DAB1: variants seen among roughly 807,000 people sequenced by gnomAD.
DAB1 encodes the protein DAB adaptor protein 1.
A neutral mutation model predicts 64.6 loss-of-function variants in DAB1; 15 were observed. That is an observed-to-expected ratio of 0.23 (90% CI 0.16 to 0.36). The LOEUF (loss-of-function observed/expected upper bound fraction) is 0.36. DAB1 is among the 10% of genes least tolerant of loss of function. The probability of loss-of-function intolerance (pLI) is 1.00; values close to 1 mark genes in which losing one functional copy is unlikely to be tolerated. For synonymous variants in DAB1, 235 were observed against 251.9 expected (o/e 0.93, Z 0.64); for missense variants, 596 against 706.7 (o/e 0.84, Z 1.78).
chr1:58,216,342 T>C (rs57063333), intron 4 of DAB1, among the ~76,000 whole-genome samples: 4,190 of 152,226 alleles, frequency 0.028, 189 homozygotes, highest in African/African-American at 0.095. Context: ...ATCCATGTCC[T>C]TGCAAAGGAC....
intron 7 of DAB1, among the ~76,000 whole-genome samples, chr1:57,593,545 T>C (rs1400229251): frequency 2.0e-5 from 3 of 152,342 alleles, no homozygotes; most frequent in Admixed American, 6.5e-5. Flanking sequence ...TCTTGATAAG[T>C]GTACACAAAT....
chr1:57,784,193 G>C (rs981484754), intron 6 of DAB1, among the ~76,000 whole-genome samples: 1 of 152,096 alleles, frequency 6.6e-6, no homozygotes, highest in Non-Finnish European at 1.5e-5. Flanking sequence ...TCAGGAGTTT[G>C]AGACCAGTCT....
chr1:58,347,277 T>A (rs1031348006), intron 3 of DAB1, among the ~76,000 whole-genome samples: 3 of 152,148 alleles, frequency 2.0e-5, no homozygotes, highest in African/African-American at 7.2e-5. Flanking sequence ...CCGGCTAATT[T>A]TTTTGTATTT....
At chr1:58,533,975 G>T (rs1404645553) in intron 1 of DAB1, 1 of 872,088 alleles carries the variant, frequency 1.1e-6, no homozygotes, top group South Asian at 1.3e-5. Flanking sequence ...TACTGCATGT[G>T]CTATTTCATG....
chr1:57,016,884 G>T lies in DAB1; in HGVS notation c.896-1453C>A, dbSNP rs561485124. ...GTCTTCACGAAATCCCGGCAGGGTA[G>T]GTATTATTATCTGTATTTTAGGGAT... is the stretch of plus-strand genomic sequence containing the variant. On this transcript the variant is annotated intron_variant, in intron 11 of 14. Transcript: ENST00000371236. Among the ~76,000 whole-genome samples, 4 of 152,236 alleles carry T rather than the reference G, an allele frequency of 2.6e-5. No individual in the cohort carries two copies. The South Asian group carries it at 8.3e-4, about 32-fold the overall frequency.
rs574438911 is a variant in DAB1, at chr1:57,049,450, C to CAAAAAAAAAAAAAAA, written c.723+13419_723+13433dup. On this transcript the variant is annotated intron_variant, in intron 9 of 14. Transcript: ENST00000371236. ...TGGGCAACAGAGCAAGACTCCGTCT[C>CAAAAAAAAAAAAAAA]AAAAAAAAAAAAAAAAAAAAAAAAA... is the stretch of plus-strand genomic sequence containing the variant. Among the ~76,000 whole-genome samples the CAAAAAAAAAAAAAAA allele has an allele frequency of 1.7e-3, 43 of 24,582 alleles. 5 individuals carry two copies. The highest frequency in any genetic ancestry group is 5.5e-3 in the East Asian group (3 of 548). The allele number at this position is 24,582 out of a possible 152,430, so 16.1% of individuals were successfully genotyped here.
intron 4 of DAB1, among the ~76,000 whole-genome samples, chr1:58,209,419 C>A (rs918869116): frequency 2.0e-5 from 3 of 152,122 alleles, no homozygotes; most frequent in African/African-American, 7.2e-5. Flanking sequence ...ATGCTCAGAA[C>A]TGGAGGCTAA....
chr1:57,742,293 A>T (rs925120488), intron 6 of DAB1, among the ~76,000 whole-genome samples: 2 of 152,216 alleles, frequency 1.3e-5, no homozygotes, highest in Non-Finnish European at 2.9e-5. Flanking sequence ...TGGACCATAA[A>T]ATAAAAATAT....
chr1:57,154,300 T>C (rs1660003265), intron 2 of DAB1, among the ~76,000 whole-genome samples: 1 of 152,236 alleles, frequency 6.6e-6, no homozygotes, highest in African/African-American at 2.4e-5. Context: ...TGTTTGTCTT[T>C]CTGTGCCTGG....
intron 2 of DAB1, among the ~76,000 whole-genome samples, chr1:57,257,471 T>C (rs903914799): frequency 4.6e-5 from 7 of 152,218 alleles, no homozygotes; most frequent in Non-Finnish European, 8.8e-5. Context: ...ATAATCCATA[T>C]AGAAAATGTA....
chr1:57,862,412 C>T (rs112255927), intron 1 of DAB1: 2 of 152,178 alleles, frequency 1.3e-5, no homozygotes, highest in South Asian at 2.1e-4. Flanking sequence ...ACTGAAATTA[C>T]ATAACGTTTT....
Position 58,387,566 on chromosome 1 carries a change from T to C in DAB1, n.258-44163A>G, listed in dbSNP as rs1644442845. The stretch of plus-strand genomic sequence containing the variant: ...AGATGTCTTATTATGTAGATAAAGT[T>C]CCCCAGATAATCTTTCAGAGCTGCA... On this transcript the variant is annotated intron_variant and non_coding_transcript_variant, in intron 3 of 20. Coordinates refer to the DAB1 transcript ENST00000485760. 2.0e-5 allele frequency among the ~76,000 whole-genome samples: 3 copies of C among 152,088 alleles called. No homozygotes were observed. The South Asian group carries it at 6.2e-4, about 32-fold the overall frequency.
At chr1:57,983,198 C>A (rs997689303) in intron 5 of DAB1, among the ~76,000 whole-genome samples, 1 of 152,170 alleles carries the variant, frequency 6.6e-6, no homozygotes, top group African/African-American at 2.4e-5. Flanking sequence ...CCAAGATGTA[C>A]ACATTCACTA....
Position 58,325,427 on chromosome 1 carries a change from A to C in DAB1, n.309+17925T>G, listed in dbSNP as rs187592461. Among the ~76,000 whole-genome samples, 248 of 152,338 alleles carry C rather than the reference A, an allele frequency of 1.6e-3. 1 individual carries two copies. The highest frequency in any genetic ancestry group is 3.0e-3 in the Non-Finnish European group (203 of 68,036). On this transcript the variant is annotated intron_variant and non_coding_transcript_variant, in intron 4 of 20. Transcript: ENST00000485760. ...TACCTCTCTAAACCAGGGGTTCCTC[A>C]TCTTTAAGAATATGCAATTTTCCAT... is the stretch of plus-strand genomic sequence containing the variant.
Position 57,567,500 on chromosome 1 carries a change from G to A in DAB1, n.625+82092C>T, listed in dbSNP as rs1273322120. Among the ~76,000 whole-genome samples the A allele has an allele frequency of 2.6e-5, 4 of 152,312 alleles. No individual in the cohort carries two copies. In the East Asian group the frequency reaches 5.8e-4, roughly 22 times the overall value. ...GGAAGTCAAATTGTCCCTGCTTGCA[G>A]ATGACATCATTGTATATTTAGAAAA... On this transcript the variant is annotated intron_variant and non_coding_transcript_variant, in intron 7 of 20. Coordinates refer to the DAB1 transcript ENST00000485760.
chr1:57,820,800 C>T (rs1164511310), intron 6 of DAB1, among the ~76,000 whole-genome samples: 1 of 152,132 alleles, frequency 6.6e-6, no homozygotes, highest in Non-Finnish European at 1.5e-5. Context: ...GGTTTAGTCC[C>T]CTTTCTGTCA....
intron 5 of DAB1, among the ~76,000 whole-genome samples, chr1:58,034,155 C>T (rs1157995684): frequency 6.6e-6 from 1 of 152,236 alleles, no homozygotes; most frequent in Non-Finnish European, 1.5e-5. Context: ...CTAGCAGTCA[C>T]TCTCTCACTC....
Position 58,461,236 on chromosome 1 carries a change from C to A in DAB1, n.257+44824G>T, listed in dbSNP as rs1645240009. ...ATGTTTTAGAAATAAAATATTAGTA[C>A]AGAAGTTAACTGTGTACTGTGTTAA... is the stretch of plus-strand genomic sequence containing the variant. On this transcript the variant is annotated intron_variant and non_coding_transcript_variant, in intron 3 of 20. Transcript: ENST00000485760. Among the ~76,000 whole-genome samples the A allele has an allele frequency of 3.9e-5, 6 of 152,248 alleles. 1 individual carries two copies. The South Asian group carries it at 1.0e-3, about 26-fold the overall frequency.
At chr1:58,056,430 G>A (rs764532985) in intron 5 of DAB1, 26 of 1,546,694 alleles carry the variant, frequency 1.7e-5, no homozygotes, top group Non-Finnish European at 2.2e-5. Flanking sequence ...TAGGCTGCAC[G>A]TGGCCGCGGC....
Sources: allele counts gnomAD v4.1 joint callset (sites outside exome capture counted in the v4.1 genomes callset), GRCh38; gene constraint gnomAD v4.1.1; transcripts MANE v1.5; gene names NCBI Gene and HGNC (gene_info 2026-07-23, HGNC 2026-07-21).